Variants in TRPM3 observed in about 807,000 individuals in gnomAD.
The protein encoded by TRPM3 is long transient receptor potential channel 3.
In TRPM3, 77 loss-of-function variants were observed where a neutral mutation model predicts 181.2. The ratio of observed to expected loss-of-function variants is 0.42; its 90% CI spans 0.35 to 0.51. TRPM3 has a LOEUF of 0.51. Among genes scored for constraint, TRPM3 ranks in the 20% least tolerant of loss-of-function variants. The pLI, the probability that TRPM3 is intolerant of heterozygous loss-of-function variation, is 0.01. For synonymous variants in TRPM3, 745 were observed against 796.4 expected, an observed-to-expected ratio of 0.94 and a Z score of 1.09; for missense variants, 1,759 against 2,196.7, an observed-to-expected ratio of 0.80 and a Z score of 3.98.
intron 22 of TRPM3, among the ~76,000 whole-genome samples, chr9:70,556,570 A>G (rs2047757183): frequency 6.6e-6 from 1 of 151,884 alleles, no homozygotes; most frequent in South Asian, 2.1e-4. Context: ...AAAAATACAA[A>G]AATTAGTCAG....
At chr9:71,323,511 C>T (rs561383180) in intron 1 of TRPM3, among the ~76,000 whole-genome samples, 2 of 152,040 alleles carry the variant, frequency 1.3e-5, no homozygotes, top group African/African-American at 4.8e-5. Flanking sequence ...ACTAGATATG[C>T]TTTGTTGTCT....
chr9:70,846,914 T>C (rs998208981), intron 3 of TRPM3, among the ~76,000 whole-genome samples: 2 of 152,218 alleles, frequency 1.3e-5, no homozygotes, highest in Non-Finnish European at 2.9e-5. Flanking sequence ...TTTACATGTG[T>C]ACAACAGTTC....
intron 1 of TRPM3, among the ~76,000 whole-genome samples, chr9:70,946,924 A>G (rs1354282450): frequency 6.6e-6 from 1 of 152,242 alleles, no homozygotes; most frequent in Non-Finnish European, 1.5e-5. Flanking sequence ...GCTATACAGC[A>G]TCCACCTGTA....
intron 12 of TRPM3, among the ~76,000 whole-genome samples, chr9:70,626,385 G>T (rs1055111914): frequency 6.6e-6 from 1 of 152,144 alleles, no homozygotes; most frequent in Non-Finnish European, 1.5e-5. Context: ...GAAGCCTCAT[G>T]CCCTTAGATC....
At chr9:70,652,023 C>T (rs1265393136) in intron 9 of TRPM3, among the ~76,000 whole-genome samples, 2 of 152,064 alleles carry the variant, frequency 1.3e-5, no homozygotes, top group African/African-American at 2.4e-5. Context: ...CCTACTGTTG[C>T]TGAGCAAGGA....
At chr9:71,090,139 G>A (rs1334776531) in intron 1 of TRPM3, among the ~76,000 whole-genome samples, 1 of 152,078 alleles carries the variant, frequency 6.6e-6, no homozygotes, top group Non-Finnish European at 1.5e-5. Flanking sequence ...TAGAGTCTTA[G>A]CACTCTGGGA....
chr9:71,200,668 T>C (rs147274409), intron 1 of TRPM3, among the ~76,000 whole-genome samples: 6,675 of 152,092 alleles, frequency 0.044, 173 homozygotes, highest in East Asian at 0.11. Context: ...GGTTTAAAGT[T>C]TGTTTTATCA....
intron 1 of TRPM3, among the ~76,000 whole-genome samples, chr9:71,331,616 GAGA>G (rs930811606): frequency 1.3e-4 from 20 of 150,244 alleles, no homozygotes; most frequent in African/African-American, 3.4e-4. Flanking sequence ...TAAAAATAAG[GAGA>G]AGAAGGAGGA....
At chr9:71,095,570 C>T (rs1371492490) in intron 1 of TRPM3, among the ~76,000 whole-genome samples, 1 of 151,862 alleles carries the variant, frequency 6.6e-6, no homozygotes, top group East Asian at 1.9e-4. Flanking sequence ...ACCAGCCTGG[C>T]CAACATAGCA....
rs184271401 is a variant in TRPM3 at position 70,782,915 on chromosome 9, T to G, written c.1148+1190A>C. ...TAGGTAGGCGTACTGTTTTAATGGC[T>G]TATGTGGAGTACTGGGCTGCTGTCA... On this transcript the variant is annotated intron_variant, in intron 7 of 25. Coordinates refer to ENST00000677713, the MANE Select transcript of TRPM3 (RefSeq NM_001366145.2). Among the ~76,000 whole-genome samples the G allele has an allele frequency of 1.9e-4, 29 of 152,146 alleles. No individual in the cohort carries two copies. The Middle Eastern group carries it at 0.01, about 54-fold the overall frequency.
intron 1 of TRPM3, among the ~76,000 whole-genome samples, chr9:71,093,673 G>C (rs566359505): frequency 6.6e-6 from 1 of 152,070 alleles, no homozygotes; most frequent in Non-Finnish European, 1.5e-5. Context: ...GTGGAAGACA[G>C]TGTGGCGATT....
At chr9:71,156,302 G>A (rs1397062163) in intron 1 of TRPM3, among the ~76,000 whole-genome samples, 1 of 150,118 alleles carries the variant, frequency 6.7e-6, no homozygotes, top group Non-Finnish European at 1.5e-5. Context: ...TTAAGCCTTT[G>A]CTTCTTTATA....
intron 1 of TRPM3, among the ~76,000 whole-genome samples, chr9:71,150,093 T>G (rs1294790834): frequency 6.6e-6 from 1 of 150,558 alleles, no homozygotes; most frequent in Non-Finnish European, 1.5e-5. Context: ...ACTGAAAAAG[T>G]TAAAAAAAAT....
At chr9:71,095,175 G>A (rs1336443903) in intron 1 of TRPM3, among the ~76,000 whole-genome samples, 4 of 152,144 alleles carry the variant, frequency 2.6e-5, no homozygotes, top group Non-Finnish European at 4.4e-5. Flanking sequence ...TTGGACTTCT[G>A]AGTGTCTGAT....
intron 9 of TRPM3, among the ~76,000 whole-genome samples, chr9:70,670,441 C>T (rs545926687): frequency 2.6e-5 from 4 of 152,270 alleles, no homozygotes; most frequent in African/African-American, 9.6e-5. Flanking sequence ...TTGTTATCTA[C>T]TTTGGTCTGT....
intron 1 of TRPM3, among the ~76,000 whole-genome samples, chr9:71,127,953 C>G (rs2074146350): frequency 6.6e-6 from 1 of 152,224 alleles, no homozygotes; most frequent in Admixed American, 6.5e-5. Flanking sequence ...AGTTCCCACA[C>G]ATGCTAAGAG....
chr9:71,050,591 T>C (rs903241096), intron 1 of TRPM3, among the ~76,000 whole-genome samples: 26 of 152,346 alleles, frequency 1.7e-4, no homozygotes, highest in African/African-American at 6.3e-4. Flanking sequence ...AAAAATAAAA[T>C]CTTTATATAC....
At chr9:70,613,105 T>G (rs1416501663) in intron 18 of TRPM3, among the ~76,000 whole-genome samples, 3 of 152,234 alleles carry the variant, frequency 2.0e-5, no homozygotes, top group African/African-American at 7.2e-5. Context: ...CCAGCATGAA[T>G]GCATTTGTAA....
intron 22 of TRPM3, 25 bp downstream of exon 22, chr9:70,591,006 G>T: frequency 6.2e-7 from 1 of 1,614,006 alleles, no homozygotes; most frequent in South Asian, 1.1e-5. Context: ...TGACTTTGGT[G>T]TATGAGAATC....
Sources: allele counts gnomAD v4.1 joint callset (sites outside exome capture counted in the v4.1 genomes callset), GRCh38; gene constraint gnomAD v4.1.1; transcripts MANE v1.5; gene names NCBI Gene and HGNC (gene_info 2026-07-23, HGNC 2026-07-21).